PLEKHM3: variants seen among roughly 807,000 people sequenced by gnomAD.
PLEKHM3 encodes pleckstrin homology domain-containing family M member 3.
Under a neutral mutation model 81.8 loss-of-function variants are expected in PLEKHM3, and 45 were observed. The ratio of observed to expected loss-of-function variants is 0.55; its 90% CI spans 0.43 to 0.71. The LOEUF (loss-of-function observed/expected upper bound fraction) is 0.71. PLEKHM3 is among the 30% of genes least tolerant of loss of function. The probability of loss-of-function intolerance (pLI) is 0.00; values close to 1 mark genes in which losing one functional copy is unlikely to be tolerated. For missense variants in PLEKHM3, 788 were observed against 924.3 expected (o/e 0.85, Z 1.91); for synonymous variants, 352 against 356.4 (o/e 0.99, Z 0.14).
intron 5 of PLEKHM3, among the ~76,000 whole-genome samples, chr2:207,915,283 T>C (rs1688950386): frequency 6.6e-6 from 1 of 152,164 alleles, no homozygotes; most frequent in African/African-American, 2.4e-5. Context: ...AGCTGGTACT[T>C]GGGGTTAAAA....
chr2:207,964,129 T>A (rs1169000881), intron 3 of PLEKHM3, among the ~76,000 whole-genome samples: 1 of 152,114 alleles, frequency 6.6e-6, no homozygotes, highest in Non-Finnish European at 1.5e-5. Context: ...GGAGAATCAC[T>A]TGAACCCAGG....
chr2:208,011,064 C>CAAAA (rs10587149), intron 1 of PLEKHM3, among the ~76,000 whole-genome samples: 2 of 65,078 alleles, frequency 3.1e-5, no homozygotes, highest in East Asian at 4.8e-4. Context: ...TGGCCATAAT[C>CAAAA]AAAAAAAAAA....
intron 2 of PLEKHM3, among the ~76,000 whole-genome samples, chr2:207,999,692 C>T (rs1692233736): frequency 6.6e-6 from 1 of 152,152 alleles, no homozygotes; most frequent in Admixed American, 6.5e-5. Flanking sequence ...AGATGTAAGA[C>T]TGGTGAGAGC....
chr2:207,912,534 A>G (rs1376837668), intron 5 of PLEKHM3, among the ~76,000 whole-genome samples: 2 of 152,218 alleles, frequency 1.3e-5, no homozygotes, highest in Non-Finnish European at 2.9e-5. Context: ...GTTGTGTCCA[A>G]GAGATTTAGT....
At chr2:208,011,762 A>C (rs370605312) in intron 1 of PLEKHM3, among the ~76,000 whole-genome samples, 11 of 151,542 alleles carry the variant, frequency 7.3e-5, no homozygotes, top group African/African-American at 2.4e-4. Context: ...GGAATAAAAA[A>C]AATTTTTAAG....
At chr2:207,840,214 G>A (rs1050022591) in intron 7 of PLEKHM3, among the ~76,000 whole-genome samples, 1 of 152,132 alleles carries the variant, frequency 6.6e-6, no homozygotes, top group African/African-American at 2.4e-5. Context: ...TTAGAGACAG[G>A]GTCTTGCTGT....
intron 7 of PLEKHM3, among the ~76,000 whole-genome samples, chr2:207,837,274 C>T (rs1234244133): frequency 6.6e-6 from 1 of 152,092 alleles, no homozygotes; most frequent in African/African-American, 2.4e-5. Context: ...GGATACTAGA[C>T]ATTCTAAGGT....
chr2:207,844,554 C>T (rs936328084), intron 7 of PLEKHM3, among the ~76,000 whole-genome samples: 1 of 152,050 alleles, frequency 6.6e-6, no homozygotes, highest in Non-Finnish European at 1.5e-5. Flanking sequence ...GATCCACCCG[C>T]CTAGGCCTCC....
chr2:207,938,414 C>A (rs1289561153), intron 4 of PLEKHM3, among the ~76,000 whole-genome samples: 1 of 152,154 alleles, frequency 6.6e-6, no homozygotes, highest in Non-Finnish European at 1.5e-5. Context: ...TGACAGATTT[C>A]ATTCTGTTCT....
chr2:207,913,938 C>T (rs1219717085), intron 5 of PLEKHM3, among the ~76,000 whole-genome samples: 1 of 152,004 alleles, frequency 6.6e-6, no homozygotes, highest in East Asian at 1.9e-4. Flanking sequence ...TGAAAACACA[C>T]ACACACACAC....
At chr2:208,006,530 G>C (rs1692498391) in intron 1 of PLEKHM3, among the ~76,000 whole-genome samples, 2 of 152,168 alleles carry the variant, frequency 1.3e-5, no homozygotes, top group African/African-American at 4.8e-5. Context: ...GTATCCCATA[G>C]AGTTGCTAAC....
intron 5 of PLEKHM3, among the ~76,000 whole-genome samples, chr2:207,928,001 A>T (rs544790907): frequency 2.0e-5 from 3 of 152,322 alleles, no homozygotes; most frequent in African/African-American, 7.2e-5. Flanking sequence ...TTAATAAAAA[A>T]GATTTAAAAA....
intron 7 of PLEKHM3, among the ~76,000 whole-genome samples, chr2:207,835,898 C>A (rs1375917986): frequency 6.6e-6 from 1 of 152,060 alleles, no homozygotes; most frequent in African/African-American, 2.4e-5. Flanking sequence ...TGAGGAGGGC[C>A]AGCTAGAGAT....
chr2:207,858,218 G>C lies in PLEKHM3; in HGVS notation c.2108+2887C>G, dbSNP rs376413217. Among the ~76,000 whole-genome samples, 85 of 146,570 alleles carry C rather than the reference G, an allele frequency of 5.8e-4. 2 individuals carry two copies. The South Asian group carries it at 0.017, about 29-fold the overall frequency. On this transcript the variant is annotated intron_variant, in intron 7 of 7. Transcript: ENST00000427836. The stretch of plus-strand genomic sequence containing the variant: ...AGATGAAGTCTCACTCTGTTGCCCA[G>C]GCTGGAGTGCAGTGGTGTGATCTTG...
intron 1 of PLEKHM3, among the ~76,000 whole-genome samples, chr2:208,016,005 C>A (rs1692899729): frequency 6.6e-6 from 1 of 151,842 alleles, no homozygotes; most frequent in South Asian, 2.1e-4. Context: ...ACCAGCCTGG[C>A]CAAAATGGAG....
chr2:207,837,006 T>C (rs2092323086), intron 7 of PLEKHM3, among the ~76,000 whole-genome samples: 2 of 152,186 alleles, frequency 1.3e-5, no homozygotes, highest in Non-Finnish European at 2.9e-5. Flanking sequence ...ATGGCTACTA[T>C]GCAACGCCCC....
chr2:207,871,868 G>C (rs573787906), intron 6 of PLEKHM3, among the ~76,000 whole-genome samples: 174 of 152,314 alleles, frequency 1.1e-3, no homozygotes, highest in Non-Finnish European at 2.0e-3. Flanking sequence ...AATTCTCATA[G>C]ATGGTCAGCA....
intron 7 of PLEKHM3, among the ~76,000 whole-genome samples, chr2:207,858,174 G>GTGTATA (rs373920637): frequency 1.7e-4 from 21 of 123,302 alleles, no homozygotes; most frequent in Non-Finnish European, 2.6e-4. Context: ...GTGTGTGTGT[G>GTGTATA]TATATATTTT....
chr2:207,859,720 C>T (rs1262908434), intron 7 of PLEKHM3, among the ~76,000 whole-genome samples: 1 of 151,914 alleles, frequency 6.6e-6, no homozygotes, highest in Non-Finnish European at 1.5e-5. Context: ...GCCTCAACCT[C>T]CTGAGTAGCT....
Sources: allele counts gnomAD v4.1 joint callset (sites outside exome capture counted in the v4.1 genomes callset), GRCh38; gene constraint gnomAD v4.1.1; transcripts MANE v1.5; gene names NCBI Gene and HGNC (gene_info 2026-07-23, HGNC 2026-07-21).